The following UBE2W variants were observed in gnomAD, a reference collection of about 807,000 sequenced individuals.
The protein encoded by UBE2W is ubiquitin-conjugating enzyme E2 W.
In UBE2W, 18 loss-of-function variants were observed where a neutral mutation model predicts 27.2. The observed-to-expected ratio is 0.66, with a 90% confidence interval of 0.46 to 0.98. The LOEUF (loss-of-function observed/expected upper bound fraction) is 0.98. Ranked by LOEUF, UBE2W falls within the 50% of genes least tolerant of loss-of-function variation. UBE2W has a pLI of 0.00. For synonymous variants in UBE2W, 53 were observed against 57.2 expected (o/e 0.93, Z 0.33); for missense variants, 90 against 180.2 (o/e 0.50, Z 2.87).
Position 73,788,965 on chromosome 8 carries a change from A to C in UBE2W, c.*5137T>G. 1 of 983,160 alleles carries C rather than the reference A, an allele frequency of 1.0e-6. No individual in the cohort carries two copies. The highest frequency in any genetic ancestry group is 1.7e-5 in the African/African-American group (1 of 57,252). 60.9% of individuals were successfully genotyped at this position (983,160 alleles called of 1,614,324 possible). On this transcript the variant is annotated 3_prime_UTR_variant, in exon 6 of 6. Coordinates refer to ENST00000602593, the MANE Select transcript of UBE2W (RefSeq NM_018299.6). ...CCCTCAGATATTTTATTAACAAAAA[A>C]TTTTTCATAAAAAAATAGTCATTTA...
At chr8:73,820,589 A>C (rs1051952479) in intron 3 of UBE2W, among the ~76,000 whole-genome samples, 20 of 152,014 alleles carry the variant, frequency 1.3e-4, no homozygotes, top group African/African-American at 4.8e-4. Flanking sequence ...ATACAAAAAA[A>C]AATAAGCCAG....
intron 2 of UBE2W, among the ~76,000 whole-genome samples, chr8:73,828,492 T>G (rs1809941734): frequency 6.6e-6 from 1 of 152,194 alleles, no homozygotes; most frequent in African/African-American, 2.4e-5. Context: ...ATTAGCAATG[T>G]CGAAATGAGT....
At chr8:73,822,602 C>CAAGAAAAAAAA (rs1809661767) in intron 3 of UBE2W, among the ~76,000 whole-genome samples, 1 of 51,216 alleles carries the variant, frequency 2.0e-5, no homozygotes, top group African/African-American at 6.1e-5. Flanking sequence ...CTTGCAACTG[C>CAAGAAAAAAAA]AAAAAAAAAA....
At chr8:73,803,416 G>T (rs1272559185) in intron 5 of UBE2W, among the ~76,000 whole-genome samples, 2 of 152,130 alleles carry the variant, frequency 1.3e-5, no homozygotes, top group Non-Finnish European at 2.9e-5. Context: ...AAGAGGAACT[G>T]TATTTCAATG....
chr8:73,849,511 T>A (rs113442790), intron 1 of UBE2W, among the ~76,000 whole-genome samples: 2,515 of 9,050 alleles, frequency 0.28, 128 homozygotes, highest in African/African-American at 0.38. Flanking sequence ...AAACTCCATC[T>A]CAAAAAAAAA....
In UBE2W at chr8:73,793,977, A is replaced by G; in HGVS notation, c.*125T>C. On this transcript the variant is annotated 3_prime_UTR_variant, in exon 6 of 6. Coordinates refer to ENST00000602593, the MANE Select transcript of UBE2W (RefSeq NM_018299.6). ...ATGCACACGAGTAAAAATGCAGTAA[A>G]AGGAAGTAGTCTTCATTGCCTATAG... 6.6e-7 allele frequency: 1 copy of G among 1,510,942 alleles called. No individual in the cohort carries two copies. The highest frequency in any genetic ancestry group is 2.4e-5 in the Admixed American group (1 of 41,812). 93.6% of individuals were successfully genotyped at this position (1,510,942 alleles called of 1,614,324 possible). A position where few individuals can be genotyped will look rare whatever the true frequency, so the allele number is the denominator to read the frequency against.
At chr8:73,784,443 A>G (rs529947703), downstream of UBE2W, among the ~76,000 whole-genome samples, 14 of 152,324 alleles carry the variant, frequency 9.2e-5, no homozygotes, top group African/African-American at 3.1e-4. Flanking sequence ...TCAGCAAACC[A>G]TATCAGATCA....
chr8:73,822,506 A>G (rs1809656316), intron 3 of UBE2W, among the ~76,000 whole-genome samples: 1 of 150,736 alleles, frequency 6.6e-6, no homozygotes, highest in Admixed American at 6.7e-5. Context: ...CGATCAGGAA[A>G]TAAACCCAGA....
rs182872018 is a variant in UBE2W, at chr8:73,872,127, G to A, written c.15+6681C>T. ...CTTGATAATGAAGATTATCTTTGAA[G>A]GCCAGGCGCGGTGGCCAGCCTTGAA... On this transcript the variant is annotated intron_variant, in intron 1 of 5. Coordinates refer to ENST00000602593, the MANE Select transcript of UBE2W (RefSeq NM_018299.6). Among the ~76,000 whole-genome samples the A allele has an allele frequency of 3.1e-3, 477 of 152,308 alleles. 1 individual carries two copies. Among genetic ancestry groups the A allele is most frequent in the Non-Finnish European group, 5.7e-3 (388 of 68,034 alleles).
At chr8:73,878,533 AC>A (rs1812339850) in intron 1 of UBE2W, among the ~76,000 whole-genome samples, 1 of 152,098 alleles carries the variant, frequency 6.6e-6, no homozygotes, top group Non-Finnish European at 1.5e-5. Flanking sequence ...GAGACCGCCA[AC>A]GCCAGACTTT....
Position 73,806,793 on chromosome 8 carries a change from T to C in UBE2W, c.367-1067A>G, listed in dbSNP as rs1381739927. 2.0e-5 allele frequency among the ~76,000 whole-genome samples: 3 copies of C among 152,208 alleles called. No homozygotes were observed. The East Asian group carries it at 5.8e-4, about 29-fold the overall frequency. On this transcript the variant is annotated intron_variant, in intron 4 of 5. Transcript: ENST00000602593. ...ACAAACCTCCACAAAGAACTGTTTT[T>C]ACTGTAATAGAATACCATCAAAGAT...
intron 1 of UBE2W, among the ~76,000 whole-genome samples, chr8:73,849,510 CTCAAAAAAAAAA>C (rs1810978216): frequency 4.7e-5 from 1 of 21,486 alleles, no homozygotes; most frequent in African/African-American, 2.0e-4. Flanking sequence ...GAAACTCCAT[CTCAAAAAAAAAA>C]AAAAAAAAAA....
At chr8:73,857,144 T>C (rs1811336055) in intron 1 of UBE2W, among the ~76,000 whole-genome samples, 1 of 152,210 alleles carries the variant, frequency 6.6e-6, no homozygotes. Flanking sequence ...TTCTTTATCA[T>C]GCTCAGGTAT....
At chr8:73,822,139 A>G (rs1396079187) in intron 3 of UBE2W, among the ~76,000 whole-genome samples, 1 of 152,122 alleles carries the variant, frequency 6.6e-6, no homozygotes, top group Non-Finnish European at 1.5e-5. Context: ...CTCCAATGTT[A>G]ATGACATTGA....
At chr8:73,870,247 TG>T (rs1209042137) in intron 1 of UBE2W, 2 of 1,581,928 alleles carry the variant, frequency 1.3e-6, no homozygotes, top group Non-Finnish European at 1.7e-6. Context: ...TGAAGAGGAT[TG>T]GCAAAAAAAC....
chr8:73,870,508 T>C (rs1208558509), intron 1 of UBE2W, among the ~76,000 whole-genome samples: 1 of 152,042 alleles, frequency 6.6e-6, no homozygotes, highest in Non-Finnish European at 1.5e-5. Flanking sequence ...GTTTTTATCA[T>C]CCCTATTTTA....
intron 1 of UBE2W, among the ~76,000 whole-genome samples, chr8:73,835,181 T>C (rs2077581233): frequency 6.6e-6 from 1 of 151,844 alleles, no homozygotes; most frequent in African/African-American, 2.4e-5. Flanking sequence ...AAAAGCGCTT[T>C]ATTGGTATAT....
chr8:73,805,472 C>CAAAACAAAAAAAAAAAACAAAACAAA (rs1554579998), intron 5 of UBE2W, among the ~76,000 whole-genome samples, 179 bp downstream of exon 5: 1 of 43,676 alleles, frequency 2.3e-5, no homozygotes, highest in Non-Finnish European at 5.0e-5. Context: ...AAAAAAAAAA[C>CAAAACAAAAAAAAAAAACAAAACAAA]AAAAAAAACT....
chr8:73,858,474 C>T (rs1811397284), intron 1 of UBE2W, among the ~76,000 whole-genome samples: 1 of 151,456 alleles, frequency 6.6e-6, no homozygotes, highest in African/African-American at 2.4e-5. Flanking sequence ...GTTTTGACAT[C>T]CTACGTTGCC....
Sources: allele counts gnomAD v4.1 joint callset (sites outside exome capture counted in the v4.1 genomes callset), GRCh38; gene constraint gnomAD v4.1.1; transcripts MANE v1.5; gene names NCBI Gene and HGNC (gene_info 2026-07-23, HGNC 2026-07-21).